RTN4RL2: variants seen among roughly 807,000 people sequenced by gnomAD.
RTN4RL2 encodes reticulon 4 receptor like 2.
RTN4RL2 carries 9 observed loss-of-function variants against 27.8 expected under a neutral mutation model. That is an observed-to-expected ratio of 0.32 (90% CI 0.20 to 0.57). The LOEUF is 0.57. RTN4RL2 is among the 20% of genes least tolerant of loss of function. RTN4RL2 has a pLI of 0.90. For missense variants in RTN4RL2, 436 were observed against 596.8 expected (o/e 0.73, Z 2.81); for synonymous variants, 285 against 297.9 (o/e 0.96, Z 0.45).
At chr11:57,473,161 C>T (rs1435274502) in intron 2 of RTN4RL2, among the ~76,000 whole-genome samples, 3 of 152,156 alleles carry the variant, frequency 2.0e-5, no homozygotes, top group Admixed American at 1.3e-4. Flanking sequence ...GCTCTGTAAG[C>T]GGGGGTGCCT....
At chr11:57,473,114 G>A (rs1168495431) in intron 2 of RTN4RL2, among the ~76,000 whole-genome samples, 2 of 152,178 alleles carry the variant, frequency 1.3e-5, no homozygotes, top group African/African-American at 4.8e-5. Context: ...CAATGCTGAC[G>A]CCGATGATGA....
chr11:57,476,409 A>G lies in RTN4RL2; in HGVS notation c.761A>G (p.Glu254Gly), dbSNP rs1160167174. 6.2e-7 allele frequency: 1 copy of G among 1,601,480 alleles called. No individual in the cohort carries two copies. The highest frequency in any genetic ancestry group is 8.5e-7 in the Non-Finnish European group (1 of 1,178,422). ...GEALADLPSL[E>G]FLRLNANPWA... ...GCGCTCGCCGACCTGCCCTCGCTCG[A>G]GTTCCTGCGGCTCAACGCTAACCCC... Residue 254 changes from glutamate to glycine, a missense_variant, in exon 3 of 3, where the codon GAG becomes GGG. Transcript: ENST00000335099. The surrounding 1 kb of genome is among the most constrained non-coding windows in gnomAD (Gnocchi z 8.2).
chr11:57,477,002 C>G lies in RTN4RL2; in HGVS notation c.*91C>G. The G allele has an allele frequency of 7.6e-7, 1 of 1,312,248 alleles. No individual in the cohort carries two copies. Among genetic ancestry groups the G allele is most frequent in the Non-Finnish European group, 1.0e-6 (1 of 984,058 alleles). 81.3% of individuals were successfully genotyped at this position (1,312,248 alleles called of 1,614,324 possible). On this transcript the variant is annotated 3_prime_UTR_variant, in exon 3 of 3. Transcript: ENST00000335099. ...TCCGGCCCCAGTCGCCCCACCTTCC[C>G]TGGCCTTGCTGCCTCCCTTTCCCCT...
chr11:57,468,808 G>A lies in RTN4RL2; in HGVS notation c.513+718G>A, dbSNP rs766248834. ...AGGGTAAATCTCTGTTATGCAGCTG[G>A]AGAATGGATGCTCTGAAAATGGAAG... is the stretch of plus-strand genomic sequence containing the variant. On this transcript the variant is annotated intron_variant, in intron 2 of 2. Coordinates refer to ENST00000335099, the MANE Select transcript of RTN4RL2 (RefSeq NM_178570.3). 9.7e-6 allele frequency: 13 copies of A among 1,336,110 alleles called. No individual in the cohort carries two copies. In the South Asian group the frequency reaches 1.6e-4, roughly 17 times the overall value. 82.8% of individuals were successfully genotyped at this position (1,336,110 alleles called of 1,614,324 possible). A position where few individuals can be genotyped will look rare whatever the true frequency, so the allele number is the denominator to read the frequency against.
At chr11:57,473,003 T>C (rs560304050) in intron 2 of RTN4RL2, among the ~76,000 whole-genome samples, 1 of 152,284 alleles carries the variant, frequency 6.6e-6, no homozygotes, top group Admixed American at 6.5e-5. Flanking sequence ...GAGATAATAA[T>C]AGTATCCACC....
chr11:57,474,089 A>C (rs1943581030), intron 2 of RTN4RL2, among the ~76,000 whole-genome samples: 1 of 151,848 alleles, frequency 6.6e-6, no homozygotes. Flanking sequence ...TTCCAAGCCT[A>C]CCCCCTGGAT....
chr11:57,460,789 C>A lies in RTN4RL2; in HGVS notation c.-77C>A. The A allele has an allele frequency of 1.2e-6, 1 of 818,148 alleles. No individual in the cohort carries two copies. The highest frequency in any genetic ancestry group is 1.8e-6 in the Non-Finnish European group (1 of 555,022). 50.7% of individuals were successfully genotyped at this position (818,148 alleles called of 1,614,324 possible). On this transcript the variant is annotated 5_prime_UTR_variant, in exon 1 of 3. Coordinates refer to ENST00000335099, the MANE Select transcript of RTN4RL2 (RefSeq NM_178570.3). ...CTCCCGGAGCCCCGCGGGGTCCCCG[C>A]CGTGCATCCGGCGGGCTCAGGGAGC...
At chr11:57,474,878 G>T (rs1239411226) in intron 2 of RTN4RL2, among the ~76,000 whole-genome samples, 3 of 152,164 alleles carry the variant, frequency 2.0e-5, no homozygotes, top group African/African-American at 7.2e-5. Context: ...CACTAATGTG[G>T]CCTGATTAGG....
At position 57,467,778 on chromosome 11, in the gene RTN4RL2, G is replaced by T; in HGVS notation, c.201G>T (p.Leu67=). 1.4e-5 allele frequency: 22 copies of T among 1,613,954 alleles called. No individual in the cohort carries two copies. The highest frequency in any genetic ancestry group is 1.8e-5 in the Non-Finnish European group (21 of 1,180,010). Residue 67 remains leucine, a synonymous_variant, in exon 2 of 3, where the codon CTG becomes CTT. Coordinates refer to ENST00000335099, the MANE Select transcript of RTN4RL2 (RefSeq NM_178570.3). This position sits in a 1 kb window ranked among gnomAD's most constrained non-coding sequence, Gnocchi z 5.5. ...SLPPSTQRLF[L]QNNLIRTLRP... is the part of the protein sequence containing the mutation. The stretch of plus-strand genomic sequence containing the variant: ...CACCCAGCACTCAGCGACTCTTCCT[G>T]CAGAACAACCTCATCCGCACGCTGC...
chr11:57,473,541 T>C (rs991484693), intron 2 of RTN4RL2, among the ~76,000 whole-genome samples: 1 of 138,058 alleles, frequency 7.2e-6, no homozygotes, highest in Admixed American at 8.1e-5. Context: ...AGAGGATGAC[T>C]TTAGCAGAGG....
In RTN4RL2 at chr11:57,469,643, T is replaced by C. The variant is rs140498628; in HGVS notation, c.513+1553T>C. 2.5e-3 allele frequency among the ~76,000 whole-genome samples: 374 copies of C among 152,328 alleles called. 2 individuals are homozygous for C. Among genetic ancestry groups the C allele is most frequent in the African/African-American group, 8.2e-3 (339 of 41,572 alleles). ...ACTATTTTAAAAAAAGAAACGAGCC[T>C]TATTTAACATTGGTTTCAGTGAAGT... is the stretch of plus-strand genomic sequence containing the variant. On this transcript the variant is annotated intron_variant, in intron 2 of 2. Transcript: ENST00000335099.
chr11:57,466,549 T>TC (rs751918196), intron 1 of RTN4RL2, among the ~76,000 whole-genome samples: 11 of 152,140 alleles, frequency 7.2e-5, no homozygotes, highest in Non-Finnish European at 1.3e-4. Context: ...TCCCAGGCTG[T>TC]CCCCCCAGGA....
chr11:57,460,823 G>T lies in RTN4RL2; in HGVS notation c.-43G>T. On this transcript the variant is annotated 5_prime_UTR_variant, in exon 1 of 3. Coordinates refer to ENST00000335099, the MANE Select transcript of RTN4RL2 (RefSeq NM_178570.3). ...CGGCGGGCTCAGGGAGCGAGTGGGA[G>T]CGCCCTCCCCCCGCTGCCCCCTCCC... 1.6e-6 allele frequency: 2 copies of T among 1,288,612 alleles called. No homozygotes were observed. The highest frequency in any genetic ancestry group is 2.1e-6 in the Non-Finnish European group (2 of 965,568). 79.8% of individuals were successfully genotyped at this position (1,288,612 alleles called of 1,614,324 possible).
rs1943598113 is a variant in RTN4RL2 at position 57,476,612 on chromosome 11, G to C, written c.964G>C (p.Ala322Pro). ...PAAPTRPGSRARGNSSSNHLY... is the reference protein window; with the variant it reads ...PAAPTRPGSRPRGNSSSNHLY... ...GGCACCCACGCGGCCGGGCAGCCGCGCCCGCGGCAACAGCTCCTCCAACCA... is the reference window on the plus strand; with the variant it reads ...GGCACCCACGCGGCCGGGCAGCCGCCCCCGCGGCAACAGCTCCTCCAACCA... Residue 322 changes from alanine (A) to proline (P), a missense_variant, in exon 3 of 3, where the codon GCC (alanine) becomes CCC (proline). Physicochemically the swap from Ala to Pro is conservative, Grantham distance 27. Transcript: ENST00000335099. The surrounding 1 kb of genome is among the most constrained non-coding windows in gnomAD (Gnocchi z 8.2). 2 of 1,406,526 alleles carry C rather than the reference G, an allele frequency of 1.4e-6. No homozygotes were observed. The highest frequency in any genetic ancestry group is 3.1e-5 in the South Asian group (2 of 63,670). The allele number at this position is 1,406,526 out of a possible 1,614,324, so 87.1% of individuals were successfully genotyped here.
At chr11:57,472,935 T>A (rs2135122743) in intron 2 of RTN4RL2, among the ~76,000 whole-genome samples, 1 of 152,344 alleles carries the variant, frequency 6.6e-6, no homozygotes, top group African/African-American at 2.4e-5. Context: ...TATTAGCTGT[T>A]GGACCCTAGG....
rs1324812278 is a variant in RTN4RL2 at position 57,467,873 on chromosome 11, C to T, written c.296C>T (p.Pro99Leu). ...LFSNNLSTIYPGTFRHLQALE... is the reference protein window; with the variant it reads ...LFSNNLSTIYLGTFRHLQALE... ...TCCAACAACCTCTCCACCATCTACCCGGGCACTTTCCGCCACTTGCAAGCC... is the reference window on the plus strand; with the variant it reads ...TCCAACAACCTCTCCACCATCTACCTGGGCACTTTCCGCCACTTGCAAGCC... The change falls in exon 2 of 3, where the codon CCG (proline) becomes CTG (leucine). Residue 99 changes from proline (P) to leucine (L), a missense_variant. Around this residue, in one of 3 missense-constraint regions of RTN4RL2, gnomAD observed 365 missense variants for 530.5 expected, o/e 0.69. Coordinates refer to ENST00000335099, the MANE Select transcript of RTN4RL2 (RefSeq NM_178570.3). The surrounding 1 kb of genome is among the most constrained non-coding windows in gnomAD (Gnocchi z 5.5). The T allele has an allele frequency of 2.5e-6, 4 of 1,614,142 alleles. No individual in the cohort carries two copies. The highest frequency in any genetic ancestry group is 3.4e-6 in the Non-Finnish European group (4 of 1,179,992).
In RTN4RL2 at chr11:57,467,514, G is replaced by A. The variant is rs1241951277; in HGVS notation, c.32-95G>A. The stretch of plus-strand genomic sequence containing the variant: ...CAGGTGTGAGCCACCATATTCAGCC[G>A]GGTCTAGGCCTTTTACCAAGTTGGG... On this transcript the variant is annotated intron_variant, in intron 1 of 2. Coordinates refer to ENST00000335099, the MANE Select transcript of RTN4RL2 (RefSeq NM_178570.3). The surrounding 1 kb of genome is among the most constrained non-coding windows in gnomAD (Gnocchi z 5.5). The A allele has an allele frequency of 7.9e-6, 12 of 1,511,184 alleles. No individual in the cohort carries two copies. The highest frequency in any genetic ancestry group is 2.7e-5 in the South Asian group (2 of 75,376). 93.6% of individuals were successfully genotyped at this position (1,511,184 alleles called of 1,614,324 possible).
chr11:57,472,469 C>A (rs1032968909), intron 2 of RTN4RL2, among the ~76,000 whole-genome samples: 1 of 152,134 alleles, frequency 6.6e-6, no homozygotes, highest in East Asian at 1.9e-4. Flanking sequence ...CCTCGGCCTC[C>A]CAAAGTGCTG....
rs149473211 is a variant in RTN4RL2 at position 57,472,978 on chromosome 11, G to A, written c.514-3184G>A. Among the ~76,000 whole-genome samples the A allele has an allele frequency of 3.9e-4, 59 of 152,310 alleles. 1 individual carries two copies. In the East Asian group the frequency reaches 8.7e-3, roughly 22 times the overall value. On this transcript the variant is annotated intron_variant, in intron 2 of 2. Transcript: ENST00000335099. ...CTTCACTTCTCTGAGGCTCCATCTC[G>A]TAATCTCTGAAATGGAGATAATAAT...
Sources: allele counts gnomAD v4.1 joint callset (sites outside exome capture counted in the v4.1 genomes callset), GRCh38; gene constraint gnomAD v4.1.1; regional missense constraint gnomAD v4.1.1; non-coding constraint Gnocchi (gnomAD v3.1); transcripts MANE v1.5; gene names NCBI Gene and HGNC (gene_info 2026-07-23, HGNC 2026-07-21).